The following GRIK2 variants were observed in gnomAD, a reference collection of about 807,000 sequenced individuals.
The protein encoded by GRIK2 is glutamate ionotropic receptor kainate type subunit 2.
A neutral mutation model predicts 100.3 loss-of-function variants in GRIK2; 32 were observed. The observed-to-expected ratio is 0.32, with a 90% confidence interval of 0.24 to 0.43. The LOEUF (loss-of-function observed/expected upper bound fraction) is 0.43, where lower values mean the gene tolerates loss of function less well. Among genes scored for constraint, GRIK2 ranks in the 20% least tolerant of loss-of-function variants. The pLI is 1.00. For missense variants in GRIK2, 843 were observed against 1,114.9 expected (o/e 0.76, Z 3.47); for synonymous variants, 417 against 389.4 (o/e 1.07, Z -0.83).
intron 12 of GRIK2, among the ~76,000 whole-genome samples, chr6:101,908,010 A>C (rs1307688569): frequency 1.3e-5 from 2 of 151,386 alleles, no homozygotes; most frequent in African/African-American, 4.8e-5. Flanking sequence ...CACATTTCTG[A>C]ATTTCCCCTT....
intron 2 of GRIK2, among the ~76,000 whole-genome samples, chr6:101,488,216 T>C (rs1462754788): frequency 6.8e-6 from 1 of 146,564 alleles, no homozygotes; most frequent in Non-Finnish European, 1.5e-5. Flanking sequence ...TTAACTGTTA[T>C]TAAAGAATAT....
chr6:101,806,343 T>C (rs538338863), intron 9 of GRIK2, among the ~76,000 whole-genome samples: 15 of 152,174 alleles, frequency 9.9e-5, no homozygotes, highest in South Asian at 8.3e-4. Context: ...TTAGAATCCA[T>C]TCATCTCTCA....
At chr6:101,794,866 AT>A (rs554125741) in intron 7 of GRIK2, among the ~76,000 whole-genome samples, 1,409 of 134,722 alleles carry the variant, frequency 0.01, 12 homozygotes, top group African/African-American at 0.021. Flanking sequence ...GCTTGTTTCA[AT>A]TTTTTTTTTT....
At chr6:101,719,402 T>C in intron 7 of GRIK2, among the ~76,000 whole-genome samples, 1 of 151,914 alleles carries the variant, frequency 6.6e-6, no homozygotes, top group East Asian at 1.9e-4. Flanking sequence ...GACTTAGTGG[T>C]AATATTTGAT....
intron 6 of GRIK2, among the ~76,000 whole-genome samples, chr6:101,684,698 C>T (rs1582955712): frequency 6.9e-6 from 1 of 145,274 alleles, no homozygotes; most frequent in Non-Finnish European, 1.5e-5. Context: ...AATGAAGACT[C>T]AAAGAAATGG....
At chr6:101,740,700 C>G (rs541217057) in intron 7 of GRIK2, among the ~76,000 whole-genome samples, 41 of 152,296 alleles carry the variant, frequency 2.7e-4, no homozygotes, top group African/African-American at 9.6e-4. Flanking sequence ...TCCAGCCAGC[C>G]TCTGCTTCTT....
At chr6:101,920,497 C>T (rs1193137567) in intron 12 of GRIK2, among the ~76,000 whole-genome samples, 1 of 151,854 alleles carries the variant, frequency 6.6e-6, no homozygotes, top group African/African-American at 2.4e-5. Flanking sequence ...ACAGTTTTAG[C>T]TGGGCATCAA....
intron 12 of GRIK2, 139 bp downstream of exon 12, chr6:101,890,002 A>G (rs1786937157): frequency 1.6e-6 from 1 of 626,660 alleles, no homozygotes; most frequent in African/African-American, 1.8e-5. Context: ...AAATTTTAAG[A>G]ATCACATTCA....
chr6:101,395,042 A>T (rs1385407956), intron 1 of GRIK2, among the ~76,000 whole-genome samples: 1 of 152,222 alleles, frequency 6.6e-6, no homozygotes, highest in Admixed American at 6.5e-5. Context: ...AAAACTCTAA[A>T]TGTCATTAAT....
intron 7 of GRIK2, among the ~76,000 whole-genome samples, chr6:101,753,033 G>C (rs891912194): frequency 1.8e-4 from 28 of 152,064 alleles, no homozygotes; most frequent in African/African-American, 6.8e-4. Context: ...GGTGGCTCAC[G>C]CTTGTAATCC....
chr6:101,432,060 T>G (rs1769437536), intron 2 of GRIK2, among the ~76,000 whole-genome samples: 1 of 152,164 alleles, frequency 6.6e-6, no homozygotes. Context: ...TGCGCATAAT[T>G]AAGAACCCTG....
chr6:101,923,564 A>G (rs1789689083), intron 12 of GRIK2, among the ~76,000 whole-genome samples: 1 of 152,180 alleles, frequency 6.6e-6, no homozygotes, highest in Admixed American at 6.5e-5. Flanking sequence ...CAGATAAGTT[A>G]TAGATTTGAA....
chr6:101,720,678 A>G (rs1774417359), intron 7 of GRIK2, among the ~76,000 whole-genome samples: 1 of 152,018 alleles, frequency 6.6e-6, no homozygotes, highest in African/African-American at 2.4e-5. Flanking sequence ...TAGGTATGGA[A>G]ATATCAATTT....
At chr6:101,597,432 C>T (rs1778976387) in intron 2 of GRIK2, among the ~76,000 whole-genome samples, 1 of 151,588 alleles carries the variant, frequency 6.6e-6, no homozygotes, top group Admixed American at 6.6e-5. Context: ...CCTATCTGAA[C>T]TTAAGTTTTG....
intron 2 of GRIK2, among the ~76,000 whole-genome samples, chr6:101,459,323 T>C (rs1400965803): frequency 6.6e-6 from 1 of 152,086 alleles, no homozygotes; most frequent in Non-Finnish European, 1.5e-5. Flanking sequence ...CAAAAAAGAG[T>C]AATAGCCATA....
At chr6:101,859,525 G>T in intron 11 of GRIK2, 32 bp downstream of exon 11, 1 of 1,222,152 alleles carries the variant, frequency 8.2e-7, no homozygotes, top group Non-Finnish European at 1.2e-6. Context: ...TTATTAGTTT[G>T]TTATGTTGCT....
chr6:101,728,672 A>G (rs1381369636), intron 7 of GRIK2, among the ~76,000 whole-genome samples: 1 of 152,022 alleles, frequency 6.6e-6, no homozygotes, highest in Non-Finnish European at 1.5e-5. Flanking sequence ...TACACAGAGT[A>G]AGCACTCAGT....
chr6:101,589,010 A>G (rs1778518460), intron 2 of GRIK2, among the ~76,000 whole-genome samples: 1 of 152,076 alleles, frequency 6.6e-6, no homozygotes, highest in African/African-American at 2.4e-5. Flanking sequence ...AAGAATTAAT[A>G]TAATGATTAT....
At chr6:102,041,240 C>T (rs1770553602) in intron 15 of GRIK2, among the ~76,000 whole-genome samples, 1 of 151,528 alleles carries the variant, frequency 6.6e-6, no homozygotes. Flanking sequence ...AAATGGTACC[C>T]AAACAATGTA....
Sources: allele counts gnomAD v4.1 joint callset (sites outside exome capture counted in the v4.1 genomes callset), GRCh38; gene constraint gnomAD v4.1.1; transcripts MANE v1.5; gene names NCBI Gene and HGNC (gene_info 2026-07-23, HGNC 2026-07-21).